AGBL4: variants seen among roughly 807,000 people sequenced by gnomAD.
AGBL4 encodes cytosolic carboxypeptidase 6.
Under a neutral mutation model 66.4 loss-of-function variants are expected in AGBL4, and 58 were observed. The observed-to-expected ratio is 0.87, with a 90% CI of 0.71 to 1.09. The LOEUF is 1.09. Among genes scored for constraint, AGBL4 ranks in the 50% least tolerant of loss-of-function variants. AGBL4 has a pLI of 0.00. For synonymous variants in AGBL4, 234 were observed against 222.9 expected (o/e 1.05, Z -0.44); for missense variants, 579 against 631.0 (o/e 0.92, Z 0.88).
chr1:49,890,462 A>AG (rs911904114), intron 1 of AGBL4, among the ~76,000 whole-genome samples: 4 of 151,982 alleles, frequency 2.6e-5, no homozygotes, highest in Non-Finnish European at 4.4e-5. Flanking sequence ...GACATGGAGG[A>AG]GAAAAAAAAA....
chr1:49,835,701 G>A (rs935579251), intron 2 of AGBL4, among the ~76,000 whole-genome samples: 3 of 152,114 alleles, frequency 2.0e-5, no homozygotes, highest in African/African-American at 7.2e-5. Flanking sequence ...TTTTTGCAGT[G>A]GCTGGTACCA....
At chr1:49,258,657 G>A (rs956854685) in intron 3 of AGBL4, among the ~76,000 whole-genome samples, 11 of 152,196 alleles carry the variant, frequency 7.2e-5, no homozygotes, top group African/African-American at 2.7e-4. Flanking sequence ...GGGACTATGT[G>A]AAAATACCAA....
At chr1:49,320,670 C>T (rs997893958) in intron 3 of AGBL4, among the ~76,000 whole-genome samples, 5 of 152,266 alleles carry the variant, frequency 3.3e-5, no homozygotes, top group Middle Eastern at 3.4e-3. Context: ...TCACCACTAT[C>T]ACCCCAAACA....
intron 5 of AGBL4, among the ~76,000 whole-genome samples, chr1:48,884,460 A>G (rs1283460522): frequency 6.6e-6 from 1 of 152,034 alleles, no homozygotes; most frequent in African/African-American, 2.4e-5. Flanking sequence ...GGTGATCACA[A>G]AATGTTATGA....
At chr1:49,112,831 T>A (rs182777263) in intron 4 of AGBL4, among the ~76,000 whole-genome samples, 3 of 152,358 alleles carry the variant, frequency 2.0e-5, no homozygotes, top group African/African-American at 7.2e-5. Flanking sequence ...TCTGCAGTTA[T>A]TTCCTTCACT....
At chr1:49,846,086 G>C (rs564900362) in intron 2 of AGBL4, 1 of 1,555,010 alleles carries the variant, frequency 6.4e-7, no homozygotes, top group Admixed American at 1.7e-5. Flanking sequence ...GAAACCCTAT[G>C]AATGTAACCA....
At chr1:50,010,469 A>AACACAC (rs113933841) in intron 1 of AGBL4, among the ~76,000 whole-genome samples, 14,837 of 148,962 alleles carry the variant, frequency 0.1, 1,058 homozygotes, top group African/African-American at 0.2. Flanking sequence ...AGGAACCACA[A>AACACAC]ACACACACAC....
At chr1:49,835,936 CAG>C (rs1277523426) in intron 2 of AGBL4, among the ~76,000 whole-genome samples, 1 of 152,184 alleles carries the variant, frequency 6.6e-6, no homozygotes, top group Non-Finnish European at 1.5e-5. Flanking sequence ...AGGATTTCTG[CAG>C]AGAGATCTGC....
chr1:48,798,724 T>C (rs1449230087), intron 6 of AGBL4, among the ~76,000 whole-genome samples: 1 of 152,238 alleles, frequency 6.6e-6, no homozygotes, highest in Non-Finnish European at 1.5e-5. Flanking sequence ...TTCATTCTTC[T>C]ACATGTGGCT....
chr1:49,865,989 C>A (rs1419837174), intron 1 of AGBL4: 3 of 333,554 alleles, frequency 9.0e-6, no homozygotes, highest in South Asian at 2.5e-5. Flanking sequence ...CCTAACAGAC[C>A]AAGCTGAGGA....
intron 3 of AGBL4, among the ~76,000 whole-genome samples, chr1:49,340,495 T>C (rs538390421): frequency 4.3e-4 from 66 of 152,324 alleles, no homozygotes; most frequent in Middle Eastern, 3.4e-3. Context: ...ACTATTTATT[T>C]TCACTATTTA....
chr1:48,761,391 T>G, intron 6 of AGBL4: 1 of 1,551,924 alleles, frequency 6.4e-7, no homozygotes, highest in East Asian at 2.4e-5. Flanking sequence ...CCTCTCCATC[T>G]TCTTCTACAT....
intron 4 of AGBL4, among the ~76,000 whole-genome samples, chr1:49,241,762 T>C (rs1182337972): frequency 6.6e-6 from 1 of 151,992 alleles, no homozygotes; most frequent in Non-Finnish European, 1.5e-5. Flanking sequence ...TTGGGTGAAT[T>C]ACAAGAAAGG....
chr1:49,093,896 G>C (rs558826855), intron 4 of AGBL4, among the ~76,000 whole-genome samples: 1 of 152,176 alleles, frequency 6.6e-6, no homozygotes, highest in South Asian at 2.1e-4. Context: ...CACTTCATAA[G>C]GTAGCTCATT....
At chr1:48,733,928 C>G (rs777773358) in intron 6 of AGBL4, among the ~76,000 whole-genome samples, 1 of 152,158 alleles carries the variant, frequency 6.6e-6, no homozygotes, top group Non-Finnish European at 1.5e-5. Flanking sequence ...AGGAGACACA[C>G]AGCAGATGAT....
intron 4 of AGBL4, among the ~76,000 whole-genome samples, chr1:49,073,726 G>A (rs1644655484): frequency 6.6e-6 from 1 of 152,124 alleles, no homozygotes; most frequent in South Asian, 2.1e-4. Context: ...GCTACTCGGG[G>A]GTCAGGGACC....
intron 3 of AGBL4, among the ~76,000 whole-genome samples, chr1:49,535,036 G>A (rs896524058): frequency 2.0e-5 from 3 of 152,134 alleles, no homozygotes; most frequent in Admixed American, 6.5e-5. Flanking sequence ...CTTGAAAAGA[G>A]GTGAGGGAAG....
chr1:48,699,446 A>G (rs923249153), intron 6 of AGBL4, among the ~76,000 whole-genome samples: 35 of 152,200 alleles, frequency 2.3e-4, no homozygotes, highest in Admixed American at 1.8e-3. Context: ...TGTCATGCCC[A>G]TATTCCATCA....
chr1:48,868,991 AC>A (rs1648385737), intron 5 of AGBL4, among the ~76,000 whole-genome samples: 1 of 152,148 alleles, frequency 6.6e-6, no homozygotes, highest in South Asian at 2.1e-4. Context: ...TACTCATAAG[AC>A]CTGGTCTCAA....
Sources: allele counts gnomAD v4.1 joint callset (sites outside exome capture counted in the v4.1 genomes callset), GRCh38; gene constraint gnomAD v4.1.1; transcripts MANE v1.5; gene names NCBI Gene and HGNC (gene_info 2026-07-23, HGNC 2026-07-21).